CD247: variants seen among roughly 807,000 people sequenced by gnomAD.
CD247 encodes the protein T-cell surface glycoprotein CD3 zeta chain.
Under a neutral mutation model 30.0 loss-of-function variants are expected in CD247, and 13 were observed. The ratio of observed to expected loss-of-function variants is 0.43; its 90% CI spans 0.28 to 0.69. The LOEUF is 0.69. CD247 is among the 30% of genes least tolerant of loss of function. The pLI is 0.16. For missense variants in CD247, 193 were observed against 212.6 expected (o/e 0.91, Z 0.57); for synonymous variants, 72 against 80.0 (o/e 0.90, Z 0.53).
intron 1 of CD247, among the ~76,000 whole-genome samples, chr1:167,452,459 G>A (rs975397638): frequency 5.9e-5 from 9 of 151,636 alleles, no homozygotes; most frequent in Admixed American, 1.3e-4. Flanking sequence ...CATGTACAGA[G>A]GGAAGATGCC....
rs1356285966 is a variant in CD247 at position 167,501,063 on chromosome 1, T to TC, written c.58+17344_58+17345insG. Among the ~76,000 whole-genome samples the TC allele has an allele frequency of 3.3e-5, 5 of 150,708 alleles. No homozygotes were observed. The East Asian group carries it at 9.6e-4, about 29-fold the overall frequency. Reference sequence around the variant, plus strand: ...TCTGATCCTATTGTTCTTTTTTTTTTTTTTTTTTTTGACCGAGTTTTGCAC... The same window carrying TC: ...TCTGATCCTATTGTTCTTTTTTTTTTCTTTTTTTTTTGACCGAGTTTTGCAC... On this transcript the variant is annotated intron_variant, in intron 1 of 7. Transcript: ENST00000362089.
intron 1 of CD247, among the ~76,000 whole-genome samples, chr1:167,484,149 C>G (rs1368721889): frequency 6.6e-6 from 1 of 152,200 alleles, no homozygotes; most frequent in Non-Finnish European, 1.5e-5. Flanking sequence ...TCCTCGTGCC[C>G]CACACAGGCA....
In CD247 at chr1:167,433,449, TAGTC is replaced by T. The variant is rs532532514; in HGVS notation, c.394-394_394-391del. 2.8e-4 allele frequency among the ~76,000 whole-genome samples: 43 copies of T among 152,336 alleles called. 1 individual carries two copies. The East Asian group carries it at 6.6e-3, about 23-fold the overall frequency. ...TTTTGAGCAGTTACGAGCTCTGGCA[TAGTC>T]AGTTCAATCACGTGCCCGTTTACCA... On this transcript the variant is annotated intron_variant, in intron 6 of 7. Coordinates refer to ENST00000362089, the MANE Select transcript of CD247 (RefSeq NM_198053.3).
chr1:167,471,707 A>G (rs1339324170), intron 1 of CD247, among the ~76,000 whole-genome samples: 2 of 151,602 alleles, frequency 1.3e-5, no homozygotes, highest in Admixed American at 1.3e-4. Flanking sequence ...GGCTCAAACG[A>G]TCTTCCAGCC....
chr1:167,465,630 C>T (rs1269397482), intron 1 of CD247, among the ~76,000 whole-genome samples: 2 of 152,188 alleles, frequency 1.3e-5, no homozygotes, highest in African/African-American at 4.8e-5. Context: ...CGCACCCAGC[C>T]CCTTTCTTTC....
intron 1 of CD247, among the ~76,000 whole-genome samples, chr1:167,449,113 A>G (rs1571526203): frequency 8.4e-6 from 1 of 118,858 alleles, no homozygotes; most frequent in African/African-American, 3.1e-5. Context: ...TAAAGTTGTT[A>G]TGTTTTGAGC....
intron 1 of CD247, among the ~76,000 whole-genome samples, chr1:167,452,667 C>T (rs1167550849): frequency 2.0e-5 from 3 of 152,058 alleles, no homozygotes; most frequent in African/African-American, 4.8e-5. Flanking sequence ...AATCATCCCA[C>T]GAGAGAGGGG....
intron 2 of CD247, 37 bp from the exon 3 acceptor site, chr1:167,439,437 G>A (rs2101994339): frequency 6.2e-7 from 1 of 1,607,758 alleles, no homozygotes; most frequent in East Asian, 2.2e-5. Context: ...ACTGCTCCGC[G>A]AGGGCGCGCA....
intron 1 of CD247, among the ~76,000 whole-genome samples, chr1:167,499,836 T>C (rs1558028789): frequency 6.6e-6 from 1 of 152,180 alleles, no homozygotes; most frequent in Non-Finnish European, 1.5e-5. Flanking sequence ...ACTTGCCTTC[T>C]TGAAGTTTCA....
intron 1 of CD247, among the ~76,000 whole-genome samples, chr1:167,513,394 G>C (rs113897062): frequency 0.013 from 1,955 of 152,154 alleles, 49 homozygotes; most frequent in African/African-American, 0.045. Flanking sequence ...GGGCTGGCTT[G>C]GTAGGAATTT....
Position 167,438,550 on chromosome 1 carries a change from G to T in CD247, c.300+20C>A. ...CCACCACACATGCAGGAACACACAG[G>T]AAGGTAGAGGAACCCCTACCGGCTT... On this transcript the variant is annotated intron_variant, in intron 4 of 7. Coordinates refer to ENST00000362089, the MANE Select transcript of CD247 (RefSeq NM_198053.3). The T allele has an allele frequency of 6.2e-7, 1 of 1,601,372 alleles. No homozygotes were observed. Among genetic ancestry groups the T allele is most frequent in the South Asian group, 1.1e-5 (1 of 90,858 alleles).
At chr1:167,477,768 A>G (rs1027976731) in intron 1 of CD247, among the ~76,000 whole-genome samples, 3 of 152,158 alleles carry the variant, frequency 2.0e-5, no homozygotes, top group African/African-American at 7.2e-5. Flanking sequence ...GCTTCAAGCA[A>G]TTCCCCCGCC....
chr1:167,459,417 A>G (rs192067788), intron 1 of CD247, among the ~76,000 whole-genome samples: 25 of 125,354 alleles, frequency 2.0e-4, no homozygotes, highest in African/African-American at 7.8e-4. Context: ...CAGTGGCATG[A>G]TCTCAGCCCA....
At chr1:167,439,737 G>A in intron 2 of CD247, 1 of 358,386 alleles carries the variant, frequency 2.8e-6, no homozygotes, top group South Asian at 2.9e-5. Context: ...GTATTCTCTA[G>A]GATCCCTTCC....
At chr1:167,443,435 C>G (rs1651932372) in intron 1 of CD247, among the ~76,000 whole-genome samples, 1 of 152,214 alleles carries the variant, frequency 6.6e-6, no homozygotes, top group Non-Finnish European at 1.5e-5. Context: ...CTCTGGGGGA[C>G]AAGCCAGCCC....
chr1:167,508,971 T>C (rs1655265313), intron 1 of CD247, among the ~76,000 whole-genome samples: 2 of 152,226 alleles, frequency 1.3e-5, no homozygotes, highest in Non-Finnish European at 1.5e-5. Flanking sequence ...GCCAACCATC[T>C]ACAGGACTGT....
chr1:167,518,039 T>C (rs115627521), intron 1 of CD247, among the ~76,000 whole-genome samples: 2,177 of 152,278 alleles, frequency 0.014, 22 homozygotes, highest in Non-Finnish European at 0.023. Flanking sequence ...GCACGAAACA[T>C]GGCCTGGCTG....
At chr1:167,482,077 G>C (rs756965818) in intron 1 of CD247, among the ~76,000 whole-genome samples, 1 of 152,194 alleles carries the variant, frequency 6.6e-6, no homozygotes, top group Non-Finnish European at 1.5e-5. Flanking sequence ...TTAGAAGGAG[G>C]CTCAACCTCT....
In CD247 at chr1:167,444,355, G is replaced by A. The variant is rs551524361; in HGVS notation, c.59-3588C>T. 2.9e-4 allele frequency among the ~76,000 whole-genome samples: 44 copies of A among 152,312 alleles called. 1 individual carries two copies. The South Asian group carries it at 8.9e-3, about 31-fold the overall frequency. On this transcript the variant is annotated intron_variant, in intron 1 of 7. Transcript: ENST00000362089. ...TGGTCCTGGCTTCTTCCCTGTGCGC[G>A]CTCCTGTGGCTTCTTCGTATTTCTA...
Sources: allele counts gnomAD v4.1 joint callset (sites outside exome capture counted in the v4.1 genomes callset), GRCh38; gene constraint gnomAD v4.1.1; transcripts MANE v1.5; gene names NCBI Gene and HGNC (gene_info 2026-07-23, HGNC 2026-07-21).